SPOCK1: variants seen among roughly 807,000 people sequenced by gnomAD.
SPOCK1 encodes SPARC (osteonectin), cwcv and kazal like domains proteoglycan 1, also known as testican-1.
A neutral mutation model predicts 55.3 loss-of-function variants in SPOCK1; 23 were observed. That is an observed-to-expected ratio of 0.42 (90% CI 0.30 to 0.59). The LOEUF (loss-of-function observed/expected upper bound fraction) is 0.59. Among genes scored for constraint, SPOCK1 ranks in the 20% least tolerant of loss-of-function variants. The probability of loss-of-function intolerance (pLI) is 0.22; values close to 1 mark genes in which losing one functional copy is unlikely to be tolerated. For synonymous variants in SPOCK1, 226 were observed against 221.0 expected (o/e 1.02, Z -0.20); for missense variants, 499 against 552.5 (o/e 0.90, Z 0.97).
intron 3 of SPOCK1, among the ~76,000 whole-genome samples, chr5:137,151,138 TTA>T (rs1444243812): frequency 2.0e-5 from 3 of 151,742 alleles, no homozygotes; most frequent in Non-Finnish European, 2.9e-5. Context: ...AATCTAAAAT[TTA>T]TATTTTGTAT....
At chr5:137,379,840 A>C (rs1451056815) in intron 2 of SPOCK1, among the ~76,000 whole-genome samples, 3 of 152,132 alleles carry the variant, frequency 2.0e-5, no homozygotes, top group African/African-American at 7.2e-5. Context: ...CTCTTTCCAA[A>C]GTCCAAATAA....
intron 6 of SPOCK1, among the ~76,000 whole-genome samples, chr5:137,001,233 G>A (rs552756200): frequency 6.6e-6 from 1 of 152,296 alleles, no homozygotes; most frequent in Admixed American, 6.5e-5. Context: ...CCATGTGGTA[G>A]CACCAGGCCA....
At chr5:137,416,363 GAT>G (rs1044652936) in intron 2 of SPOCK1, among the ~76,000 whole-genome samples, 9 of 151,902 alleles carry the variant, frequency 5.9e-5, no homozygotes, top group Non-Finnish European at 1.3e-4. Flanking sequence ...TCTACACAAA[GAT>G]ATAAAGAACT....
intron 2 of SPOCK1, among the ~76,000 whole-genome samples, chr5:137,318,944 G>A (rs1757933132): frequency 6.6e-6 from 1 of 152,196 alleles, no homozygotes. Context: ...CTTGCTCAGT[G>A]ACAGAAGACG....
At chr5:137,191,081 C>G (rs1224154249) in intron 3 of SPOCK1, among the ~76,000 whole-genome samples, 1 of 152,180 alleles carries the variant, frequency 6.6e-6, no homozygotes. Flanking sequence ...TCCATTAATT[C>G]TTCTGTCTTA....
chr5:137,170,663 G>A (rs1754739787), intron 3 of SPOCK1, among the ~76,000 whole-genome samples: 1 of 151,460 alleles, frequency 6.6e-6, no homozygotes, highest in African/African-American at 2.4e-5. Context: ...ACTGTAAGAA[G>A]GCAAGTTGCC....
rs138236561 is a variant in SPOCK1 at position 137,301,431 on chromosome 5, C to A, written c.187-34376G>T. 2.0e-3 allele frequency among the ~76,000 whole-genome samples: 308 copies of A among 152,264 alleles called. 1 individual carries two copies. The highest frequency in any genetic ancestry group is 7.1e-3 in the African/African-American group (294 of 41,548). Reference sequence around the variant, plus strand: ...GGATGCAGGTAGTACCATATTCTGCCAACACCAGTTGTGAACTCCTTCAGA... The same window carrying A: ...GGATGCAGGTAGTACCATATTCTGCAAACACCAGTTGTGAACTCCTTCAGA... On this transcript the variant is annotated intron_variant, in intron 2 of 10. Transcript: ENST00000394945.
intron 4 of SPOCK1, among the ~76,000 whole-genome samples, chr5:137,116,282 C>A (rs548424674): frequency 6.6e-6 from 1 of 152,272 alleles, no homozygotes; most frequent in East Asian, 1.9e-4. Flanking sequence ...AAATTCCCAG[C>A]ATTATGTTTG....
chr5:137,487,642 A>G (rs1754087039), intron 2 of SPOCK1, among the ~76,000 whole-genome samples: 1 of 152,230 alleles, frequency 6.6e-6, no homozygotes, highest in African/African-American at 2.4e-5. Flanking sequence ...GTTAGATACA[A>G]AGTCAGGCCA....
intron 4 of SPOCK1, among the ~76,000 whole-genome samples, chr5:137,116,490 C>CA (rs569907431): frequency 0.01 from 1,526 of 151,944 alleles, 13 homozygotes; most frequent in Middle Eastern, 0.037. Context: ...ACTAAAAATA[C>CA]AAAAAATTAG....
chr5:137,456,365 T>G (rs1226033965), intron 2 of SPOCK1, among the ~76,000 whole-genome samples: 1 of 152,202 alleles, frequency 6.6e-6, no homozygotes, highest in Admixed American at 6.5e-5. Context: ...TGGAGCTGTT[T>G]GTACATACTT....
intron 2 of SPOCK1, among the ~76,000 whole-genome samples, chr5:137,320,983 A>C (rs1757973243): frequency 6.6e-6 from 1 of 152,254 alleles, no homozygotes; most frequent in African/African-American, 2.4e-5. Flanking sequence ...AAGATGCTTA[A>C]CAAGCTCAGG....
At chr5:137,095,019 A>C (rs1273917342) in intron 5 of SPOCK1, among the ~76,000 whole-genome samples, 1 of 152,188 alleles carries the variant, frequency 6.6e-6, no homozygotes, top group East Asian at 1.9e-4. Context: ...TTGTTGTGTC[A>C]TAAGGAACAG....
chr5:137,038,852 A>G (rs1362991742), intron 6 of SPOCK1, among the ~76,000 whole-genome samples: 1 of 152,204 alleles, frequency 6.6e-6, no homozygotes, highest in Non-Finnish European at 1.5e-5. Flanking sequence ...TATAAGCTCT[A>G]TGAGAGCAGA....
At chr5:137,206,012 A>G (rs1755515954) in intron 3 of SPOCK1, among the ~76,000 whole-genome samples, 1 of 152,234 alleles carries the variant, frequency 6.6e-6, no homozygotes, top group African/African-American at 2.4e-5. Context: ...CAGGGTGAGA[A>G]GCCAGGCAGG....
At chr5:137,441,498 C>G (rs114651611) in intron 2 of SPOCK1, among the ~76,000 whole-genome samples, 1 of 152,194 alleles carries the variant, frequency 6.6e-6, no homozygotes, top group Non-Finnish European at 1.5e-5. Flanking sequence ...CTTAGCCACC[C>G]GCCAGGCTGA....
chr5:137,173,194 T>C (rs1754785144), intron 3 of SPOCK1, among the ~76,000 whole-genome samples: 2 of 152,122 alleles, frequency 1.3e-5, no homozygotes, highest in Non-Finnish European at 1.5e-5. Context: ...ACACGAGACC[T>C]CTTTCTTGGA....
intron 3 of SPOCK1, among the ~76,000 whole-genome samples, chr5:137,221,093 T>C (rs1371580594): frequency 1.3e-5 from 2 of 152,198 alleles, no homozygotes; most frequent in African/African-American, 2.4e-5. Context: ...CAAATATCTA[T>C]GTAGAAACAT....
chr5:137,043,649 T>A lies in SPOCK1; in HGVS notation c.589+24066A>T, dbSNP rs559460761. On this transcript the variant is annotated intron_variant, in intron 6 of 10. Transcript: ENST00000394945. ...TGATTCCTCTGTGGATCTTGGGGGT[T>A]CTTCCCCAAAACTCATAACCCTACT... Among the ~76,000 whole-genome samples, 219 of 152,284 alleles carry A rather than the reference T, an allele frequency of 1.4e-3. 2 individuals carry two copies. Among genetic ancestry groups the A allele is most frequent in the African/African-American group, 4.9e-3 (203 of 41,574 alleles).
Sources: allele counts gnomAD v4.1 joint callset (sites outside exome capture counted in the v4.1 genomes callset), GRCh38; gene constraint gnomAD v4.1.1; transcripts MANE v1.5; gene names NCBI Gene and HGNC (gene_info 2026-07-23, HGNC 2026-07-21).